Variants in C3orf33 observed in about 807,000 individuals in gnomAD.
The protein encoded by C3orf33 is AP-1 activity suppressor.
C3orf33 carries 23 observed loss-of-function variants against 28.7 expected under a neutral mutation model. That is an observed-to-expected ratio of 0.80 (90% CI 0.58 to 1.13). C3orf33 has a LOEUF of 1.13. Ranked by LOEUF, C3orf33 falls within the 50% of genes most tolerant of loss-of-function variation. The probability of loss-of-function intolerance (pLI) is 0.00; values close to 1 mark genes in which losing one functional copy is unlikely to be tolerated. For synonymous variants in C3orf33, 119 were observed against 120.5 expected (o/e 0.99, Z 0.08); for missense variants, 327 against 353.4 (o/e 0.93, Z 0.60).
intron 2 of C3orf33, among the ~76,000 whole-genome samples, chr3:155,801,823 T>G (rs1577440621): frequency 1.3e-5 from 2 of 152,212 alleles, no homozygotes; most frequent in Non-Finnish European, 2.9e-5. Context: ...CGGTTTCAGC[T>G]CACTGCAACC....
chr3:155,775,971 C>A, intron 2 of C3orf33, 123 bp from the exon 3 acceptor site: 2 of 649,124 alleles, frequency 3.1e-6, no homozygotes, highest in South Asian at 2.2e-5. Context: ...AAATTTAGTT[C>A]CTAATTTTAT....
chr3:155,788,178 G>A (rs1184114386), intron 2 of C3orf33, among the ~76,000 whole-genome samples: 9 of 144,784 alleles, frequency 6.2e-5, no homozygotes, highest in Admixed American at 2.9e-4. Flanking sequence ...GCGACAGAGC[G>A]AGACTCCGTC....
intron 3 of C3orf33, among the ~76,000 whole-genome samples, chr3:155,771,846 C>T (rs1441214155): frequency 6.6e-6 from 1 of 152,072 alleles, no homozygotes; most frequent in East Asian, 1.9e-4. Context: ...TGACACAGTA[C>T]ATGCTGGTTA....
chr3:155,804,406 T>C (rs1052492347), intron 1 of C3orf33, among the ~76,000 whole-genome samples: 2 of 152,218 alleles, frequency 1.3e-5, no homozygotes, highest in African/African-American at 4.8e-5. Flanking sequence ...CATTCAATGA[T>C]GCTACAAATA....
At chr3:155,768,221 A>AT (rs34155100) in intron 3 of C3orf33, among the ~76,000 whole-genome samples, 56,050 of 152,004 alleles carry the variant, frequency 0.37, 11,712 homozygotes, top group Middle Eastern at 0.51. Flanking sequence ...AAGTAGTGAG[A>AT]TTTAACCAAT....
chr3:155,783,816 T>C (rs934697833), intron 2 of C3orf33, among the ~76,000 whole-genome samples: 1 of 152,236 alleles, frequency 6.6e-6, no homozygotes, highest in African/African-American at 2.4e-5. Flanking sequence ...CTTAGTATTA[T>C]TGTAACTTTG....
At chr3:155,767,432 G>T in intron 4 of C3orf33, 77 bp downstream of exon 4, 1 of 1,156,072 alleles carries the variant, frequency 8.6e-7, no homozygotes, top group Non-Finnish European at 1.1e-6. Flanking sequence ...TATATCCAAA[G>T]TTCTAATTAA....
At chr3:155,805,152 T>G (rs1445477280) in intron 1 of C3orf33, among the ~76,000 whole-genome samples, 4 of 87,572 alleles carry the variant, frequency 4.6e-5, no homozygotes. Context: ...GGCTTAGTGC[T>G]TCACTTAAAA....
intron 2 of C3orf33, among the ~76,000 whole-genome samples, chr3:155,790,843 G>A (rs1434269558): frequency 1.3e-5 from 2 of 152,126 alleles, no homozygotes; most frequent in African/African-American, 2.4e-5. Flanking sequence ...TCACCACCAC[G>A]GGATAATGTA....
At chr3:155,770,995 G>A (rs924858023) in intron 3 of C3orf33, among the ~76,000 whole-genome samples, 2 of 52,874 alleles carry the variant, frequency 3.8e-5, no homozygotes, top group Non-Finnish European at 7.2e-5. Context: ...TGTGTGTGTT[G>A]AGACATAGTT....
At chr3:155,776,789 A>G (rs972755449) in intron 2 of C3orf33, among the ~76,000 whole-genome samples, 21 of 147,962 alleles carry the variant, frequency 1.4e-4, no homozygotes, top group Admixed American at 6.1e-4. Flanking sequence ...AAAAAAGAAT[A>G]AATTAGTACC....
chr3:155,805,158 TAA>T (rs57906262), intron 1 of C3orf33, among the ~76,000 whole-genome samples: 4 of 141,736 alleles, frequency 2.8e-5, no homozygotes, highest in African/African-American at 5.3e-5. Context: ...GTGCTTCACT[TAA>T]AAAAAAAAAA....
chr3:155,771,261 G>A (rs986138389), intron 3 of C3orf33, among the ~76,000 whole-genome samples: 20 of 151,786 alleles, frequency 1.3e-4, no homozygotes, highest in South Asian at 8.3e-4. Flanking sequence ...ACACGCCATC[G>A]GGCCCAGCTA....
At chr3:155,805,478 C>A in intron 1 of C3orf33, 2 of 385,674 alleles carry the variant, frequency 5.2e-6, no homozygotes, top group South Asian at 1.9e-5. Flanking sequence ...GAAATCTATT[C>A]GGGAGGCTGA....
At position 155,775,675 on chromosome 3, in the gene C3orf33, T is replaced by G. The variant is rs1322436011; in HGVS notation, c.322+26A>C. The G allele has an allele frequency of 4.2e-6, 6 of 1,424,112 alleles. No homozygotes were observed. In the African/African-American group the frequency reaches 7.3e-5, roughly 17 times the overall value. The allele number at this position is 1,424,112 out of a possible 1,614,324, so 88.2% of individuals were successfully genotyped here. A position where few individuals can be genotyped will look rare whatever the true frequency, so the allele number is the denominator to read the frequency against. ...AATAAAAGAAGACCACAATAGTTAG[T>G]TTCATTAATCTTGTACCTTACTTAC... On this transcript the variant is annotated intron_variant, in intron 3 of 4. Transcript: ENST00000340171.
At chr3:155,793,400 G>A (rs1390447082) in intron 2 of C3orf33, among the ~76,000 whole-genome samples, 6 of 150,980 alleles carry the variant, frequency 4.0e-5, no homozygotes, top group African/African-American at 7.3e-5. Flanking sequence ...AAAAAAAACG[G>A]ATGTTAATGA....
At chr3:155,777,252 T>C (rs976859147) in intron 2 of C3orf33, among the ~76,000 whole-genome samples, 1 of 151,674 alleles carries the variant, frequency 6.6e-6, no homozygotes, top group African/African-American at 2.4e-5. Context: ...AGGCGGAGGT[T>C]GCAGTGAGCC....
intron 2 of C3orf33, among the ~76,000 whole-genome samples, chr3:155,776,284 G>GT (rs1315619161): frequency 6.6e-6 from 1 of 151,922 alleles, no homozygotes; most frequent in South Asian, 2.1e-4. Context: ...AACCAACCAG[G>GT]TTTTTTTACT....
intron 2 of C3orf33, among the ~76,000 whole-genome samples, chr3:155,785,218 A>C (rs149111253): frequency 6.6e-6 from 1 of 152,292 alleles, no homozygotes; most frequent in East Asian, 1.9e-4. Context: ...CAGACCAGCA[A>C]AAATGGTGAG....
Sources: allele counts gnomAD v4.1 joint callset (sites outside exome capture counted in the v4.1 genomes callset), GRCh38; gene constraint gnomAD v4.1.1; transcripts MANE v1.5; gene names NCBI Gene and HGNC (gene_info 2026-07-23, HGNC 2026-07-21).